Variants in UBTD1 observed in about 807,000 individuals in gnomAD.
UBTD1 encodes the protein ubiquitin domain-containing protein 1.
In UBTD1, 19 loss-of-function variants were observed where a neutral mutation model predicts 21.7. That is an observed-to-expected ratio of 0.87 (90% CI 0.61 to 1.28). The LOEUF is 1.28. Among genes scored for constraint, UBTD1 ranks in the 50% most tolerant of loss-of-function variants. The probability of loss-of-function intolerance (pLI) is 0.00; values close to 1 mark genes in which losing one functional copy is unlikely to be tolerated. For missense variants in UBTD1, 282 were observed against 315.1 expected (o/e 0.89, Z 0.80); for synonymous variants, 116 against 135.1 (o/e 0.86, Z 0.98).
intron 1 of UBTD1, among the ~76,000 whole-genome samples, chr10:97,533,269 G>A (rs575055662): frequency 3.9e-5 from 6 of 152,310 alleles, no homozygotes; most frequent in South Asian, 2.1e-4. Flanking sequence ...CTGCTGCCCC[G>A]GGTTTGCTGC....
chr10:97,549,441 G>A (rs932971968), intron 1 of UBTD1, among the ~76,000 whole-genome samples: 5 of 152,160 alleles, frequency 3.3e-5, no homozygotes, highest in Admixed American at 1.3e-4. Context: ...TCACTCGCCC[G>A]TGCAGCATGC....
intron 1 of UBTD1, among the ~76,000 whole-genome samples, chr10:97,546,963 T>G (rs1220949907): frequency 2.0e-5 from 3 of 152,048 alleles, no homozygotes; most frequent in Admixed American, 2.0e-4. Flanking sequence ...AGCTGTCGGG[T>G]CTGGGACAAG....
intron 1 of UBTD1, among the ~76,000 whole-genome samples, chr10:97,562,937 G>C (rs1315829160): frequency 6.6e-6 from 1 of 152,180 alleles, no homozygotes; most frequent in Non-Finnish European, 1.5e-5. Flanking sequence ...GGTATGGAGA[G>C]ATAATGGGCG....
At chr10:97,533,900 G>A (rs1316285187) in intron 1 of UBTD1, among the ~76,000 whole-genome samples, 6 of 149,192 alleles carry the variant, frequency 4.0e-5, no homozygotes, top group African/African-American at 1.2e-4. Context: ...TGAAGCCTGC[G>A]TGACAAAGCA....
At chr10:97,557,816 A>T (rs1177350123) in intron 1 of UBTD1, among the ~76,000 whole-genome samples, 1 of 152,214 alleles carries the variant, frequency 6.6e-6, no homozygotes, top group Non-Finnish European at 1.5e-5. Context: ...CATACCTTGG[A>T]TAGAATAGCA....
chr10:97,546,585 C>T (rs1194949477), intron 1 of UBTD1, among the ~76,000 whole-genome samples: 2 of 57,130 alleles, frequency 3.5e-5, no homozygotes, highest in Non-Finnish European at 7.6e-5. Flanking sequence ...GTGACCCTGT[C>T]TCAGAAAAAA....
chr10:97,571,026 C>A lies in UBTD1; in HGVS notation c.*503C>A. 6.2e-6 allele frequency: 1 copy of A among 161,312 alleles called. No individual in the cohort carries two copies. The highest frequency in any genetic ancestry group is 1.4e-5 in the Non-Finnish European group (1 of 72,458). 10.0% of individuals were successfully genotyped at this position (161,312 alleles called of 1,614,324 possible). ...CCTCTGCCTCTCCCTGCCCCCAGCA[C>A]AATTGGCAGAGATGAGGCGGGTGGT... On this transcript the variant is annotated 3_prime_UTR_variant, in exon 3 of 3. Transcript: ENST00000370664.
chr10:97,516,207 T>G (rs1207246208), intron 1 of UBTD1, among the ~76,000 whole-genome samples: 2 of 152,208 alleles, frequency 1.3e-5, no homozygotes, highest in Non-Finnish European at 2.9e-5. Flanking sequence ...CAGCCTGGCC[T>G]CCTGGGAGCT....
intron 1 of UBTD1, among the ~76,000 whole-genome samples, chr10:97,529,492 G>A (rs2040516697): frequency 1.3e-5 from 2 of 152,328 alleles, no homozygotes; most frequent in African/African-American, 4.8e-5. Flanking sequence ...CTGAGTTAAC[G>A]AGACTCCGTC....
Position 97,499,071 on chromosome 10 carries a change from G to C in UBTD1, c.-133G>C. On this transcript the variant is annotated 5_prime_UTR_variant, in exon 1 of 3. Coordinates refer to ENST00000370664, the MANE Select transcript of UBTD1 (RefSeq NM_024954.5). ...TTGGCGGAGCCATCGCTGGGGCTGA[G>C]CGCGCCCCCGGGGGGAGATCGGGGA... The C allele has an allele frequency of 9.7e-7, 1 of 1,033,082 alleles. No homozygotes were observed. The highest frequency in any genetic ancestry group is 1.8e-5 in the South Asian group (1 of 57,022). The allele number at this position is 1,033,082 out of a possible 1,614,324, so 64.0% of individuals were successfully genotyped here.
At chr10:97,531,206 A>T (rs945688884) in intron 1 of UBTD1, among the ~76,000 whole-genome samples, 2 of 135,520 alleles carry the variant, frequency 1.5e-5, no homozygotes, top group Non-Finnish European at 3.1e-5. Flanking sequence ...TAAATTTAAC[A>T]TATGCCATCT....
chr10:97,509,375 C>A (rs185148523), intron 1 of UBTD1, among the ~76,000 whole-genome samples: 1 of 152,296 alleles, frequency 6.6e-6, no homozygotes, highest in African/African-American at 2.4e-5. Context: ...AGTAGTGAAG[C>A]GTGAAATGTG....
intron 1 of UBTD1, among the ~76,000 whole-genome samples, chr10:97,521,545 T>C (rs2040467041): frequency 1.3e-5 from 2 of 152,226 alleles, no homozygotes; most frequent in Admixed American, 1.3e-4. Context: ...TCCAGTGGGA[T>C]CTGGCTCTGC....
chr10:97,516,770 CAA>C (rs879561571), intron 1 of UBTD1, among the ~76,000 whole-genome samples: 6 of 140,258 alleles, frequency 4.3e-5, no homozygotes. Flanking sequence ...GACTCTGTCT[CAA>C]AAAAAAAAAA....
At chr10:97,505,388 A>C (rs1232667826) in intron 1 of UBTD1, among the ~76,000 whole-genome samples, 1 of 152,214 alleles carries the variant, frequency 6.6e-6, no homozygotes, top group Non-Finnish European at 1.5e-5. Flanking sequence ...GTTGAGGTCA[A>C]GTGTATTCAA....
intron 1 of UBTD1, among the ~76,000 whole-genome samples, chr10:97,520,971 C>G (rs1381731177): frequency 6.6e-6 from 1 of 152,106 alleles, no homozygotes; most frequent in African/African-American, 2.4e-5. Context: ...TAGCAGATAT[C>G]TCTTCCACAA....
chr10:97,541,152 C>T (rs1490245176), intron 1 of UBTD1, among the ~76,000 whole-genome samples: 2 of 152,038 alleles, frequency 1.3e-5, no homozygotes, highest in Non-Finnish European at 1.5e-5. Context: ...CACACAGGGT[C>T]GTTACAAGGA....
At chr10:97,567,876 CT>C in intron 1 of UBTD1, 37 bp from the exon 2 acceptor site, 1 of 1,608,322 alleles carries the variant, frequency 6.2e-7, no homozygotes, top group African/African-American at 1.3e-5. Context: ...GCTCAAGTGG[CT>C]TTAGAGATGC....
chr10:97,565,608 C>T (rs773602393), intron 1 of UBTD1, among the ~76,000 whole-genome samples: 1 of 152,108 alleles, frequency 6.6e-6, no homozygotes, highest in Non-Finnish European at 1.5e-5. Flanking sequence ...GCTATGATCA[C>T]ACCACCGCAC....
Sources: gnomAD v4.1 joint callset for allele counts (sites outside exome capture counted in the v4.1 genomes callset) on GRCh38, gnomAD v4.1.1 for gene constraint, MANE v1.5 for transcripts, NCBI Gene and HGNC (gene_info 2026-07-23, HGNC 2026-07-21) for gene names.